Variants in ABLIM1 observed in about 807,000 individuals in gnomAD.
ABLIM1 encodes actin binding LIM protein 1.
Under a neutral mutation model 107.0 loss-of-function variants are expected in ABLIM1, and 40 were observed. The ratio of observed to expected loss-of-function variants is 0.37; its 90% CI spans 0.29 to 0.49. The LOEUF is 0.49. Among genes scored for constraint, ABLIM1 ranks in the 20% least tolerant of loss-of-function variants. The pLI, the probability that ABLIM1 is intolerant of heterozygous loss-of-function variation, is 0.97. For synonymous variants in ABLIM1, 357 were observed against 357.3 expected (o/e 1.00, Z 0.01); for missense variants, 857 against 1,008.5 (o/e 0.85, Z 2.04).
chr10:114,456,849 G>A (rs1040641886), intron 12 of ABLIM1, among the ~76,000 whole-genome samples: 1 of 151,826 alleles, frequency 6.6e-6, no homozygotes, highest in African/African-American at 2.4e-5. Context: ...CTGGATTCTG[G>A]CTGAATGCTG....
At chr10:114,711,714 G>C (rs1215234230) in intron 1 of ABLIM1, among the ~76,000 whole-genome samples, 3 of 152,166 alleles carry the variant, frequency 2.0e-5, no homozygotes, top group African/African-American at 4.8e-5. Flanking sequence ...GTCGATGCTA[G>C]AACCTGAAGT....
chr10:114,718,762 G>T (rs1189617782), intron 1 of ABLIM1, among the ~76,000 whole-genome samples: 4 of 152,094 alleles, frequency 2.6e-5, no homozygotes, highest in Non-Finnish European at 5.9e-5. Context: ...AAATAATCTG[G>T]CTTCGTATCA....
At chr10:114,716,649 A>G (rs12774401) in intron 1 of ABLIM1, among the ~76,000 whole-genome samples, 51,752 of 152,026 alleles carry the variant, frequency 0.34, 10,690 homozygotes, top group Non-Finnish European at 0.47. Context: ...AGTTAGAATC[A>G]TCTGGTCTAA....
intron 12 of ABLIM1, among the ~76,000 whole-genome samples, chr10:114,455,680 C>T (rs1429012333): frequency 2.0e-5 from 3 of 152,202 alleles, no homozygotes; most frequent in Non-Finnish European, 4.4e-5. Context: ...TAATTACCTC[C>T]ACAGCTATTT....
intron 1 of ABLIM1, among the ~76,000 whole-genome samples, chr10:114,745,995 T>G (rs1307278433): frequency 6.6e-6 from 1 of 152,146 alleles, no homozygotes; most frequent in Non-Finnish European, 1.5e-5. Flanking sequence ...ACAAATCATG[T>G]TTGTATATGT....
In ABLIM1 at chr10:114,433,861, C is replaced by T. The variant is rs752475130; in HGVS notation, c.*2399G>A. 2.0e-5 allele frequency: 3 copies of T among 152,098 alleles called. No homozygotes were observed. Among genetic ancestry groups the T allele is most frequent in the Middle Eastern group, 3.2e-3 (1 of 316 alleles). 9.4% of individuals were successfully genotyped at this position (152,098 alleles called of 1,614,324 possible). A position where few individuals can be genotyped will look rare whatever the true frequency, so the allele number is the denominator to read the frequency against. ...ATGTTTCCCAAATACCTTGATTTTTCTTATATTGACATTTCATCTGCACAT... is the reference window on the plus strand; with the variant it reads ...ATGTTTCCCAAATACCTTGATTTTTTTTATATTGACATTTCATCTGCACAT... On this transcript the variant is annotated 3_prime_UTR_variant, in exon 23 of 23. Coordinates refer to ENST00000533213, the MANE Select transcript of ABLIM1 (RefSeq NM_002313.7).
chr10:114,796,870 CCTCA>C, the ABLIM1 span, among the ~76,000 whole-genome samples: 1 of 152,204 alleles, frequency 6.6e-6, no homozygotes, highest in Non-Finnish European at 1.5e-5. Context: ...CAGTTGTTCT[CCTCA>C]CTCCAAGTCC....
intron 2 of ABLIM1, among the ~76,000 whole-genome samples, chr10:114,591,937 A>G (rs2139637445): frequency 6.6e-6 from 1 of 152,272 alleles, no homozygotes; most frequent in East Asian, 1.9e-4. Context: ...TCAGATTTGA[A>G]ACTTTTGGAT....
At chr10:114,657,691 G>A (rs2079588090) in intron 1 of ABLIM1, among the ~76,000 whole-genome samples, 1 of 151,882 alleles carries the variant, frequency 6.6e-6, no homozygotes, top group South Asian at 2.1e-4. Flanking sequence ...TCCTATTACT[G>A]ACAATTATTC....
chr10:114,486,604 T>TTCAGGACTCTGTGTGTCA (rs1356710828), intron 8 of ABLIM1, among the ~76,000 whole-genome samples: 2 of 152,228 alleles, frequency 1.3e-5, no homozygotes, highest in African/African-American at 4.8e-5. Context: ...GCTGATGGAC[T>TTCAGGACTCTGTGTGTCA]TCAGGACTCT....
chr10:114,789,772 G>GT, the ABLIM1 span, among the ~76,000 whole-genome samples: 1 of 147,916 alleles, frequency 6.8e-6, no homozygotes, highest in African/African-American at 2.5e-5. Context: ...TAATCGGGTT[G>GT]TTTTTTGCAT....
At chr10:114,721,316 C>T (rs951363802) in intron 1 of ABLIM1, among the ~76,000 whole-genome samples, 3 of 152,070 alleles carry the variant, frequency 2.0e-5, no homozygotes, top group South Asian at 2.1e-4. Flanking sequence ...TTTCACAGCT[C>T]GTGGGTGATG....
chr10:114,482,654 T>A (rs4519007), intron 8 of ABLIM1, among the ~76,000 whole-genome samples: 4,438 of 152,254 alleles, frequency 0.029, 186 homozygotes, highest in African/African-American at 0.098. Flanking sequence ...TGTTTACAAC[T>A]TTCTGTGATG....
chr10:114,693,241 G>A (rs1299275214), intron 1 of ABLIM1, among the ~76,000 whole-genome samples: 2 of 152,204 alleles, frequency 1.3e-5, no homozygotes, highest in African/African-American at 4.8e-5. Context: ...CAGCTCTTAT[G>A]CTTTATTTTC....
intron 2 of ABLIM1, among the ~76,000 whole-genome samples, chr10:114,600,689 G>A (rs929299882): frequency 6.6e-6 from 1 of 152,014 alleles, no homozygotes; most frequent in Non-Finnish European, 1.5e-5. Flanking sequence ...TAGGAATGAG[G>A]GTCCTTACCC....
chr10:114,538,399 G>T (rs1266729001), intron 6 of ABLIM1, among the ~76,000 whole-genome samples: 2 of 152,218 alleles, frequency 1.3e-5, no homozygotes, highest in African/African-American at 4.8e-5. Context: ...AGACAGGGGA[G>T]GGTGGCCTCG....
the ABLIM1 span, among the ~76,000 whole-genome samples, chr10:114,777,242 T>C: frequency 6.6e-6 from 1 of 151,970 alleles, no homozygotes; most frequent in Non-Finnish European, 1.5e-5. Context: ...TAATTTCAGA[T>C]AGTGTCCTTT....
intron 1 of ABLIM1, among the ~76,000 whole-genome samples, chr10:114,634,374 C>T (rs997941524): frequency 6.6e-6 from 1 of 151,432 alleles, no homozygotes; most frequent in African/African-American, 2.4e-5. Flanking sequence ...CCTCGTGATC[C>T]GCCCGCCTCG....
upstream of ABLIM1, among the ~76,000 whole-genome samples, chr10:114,771,852 T>G (rs2083028416): frequency 6.6e-6 from 1 of 151,968 alleles, no homozygotes; most frequent in Non-Finnish European, 1.5e-5. Flanking sequence ...AAAAAAGAGG[T>G]TCCTATTTGA....
Sources: allele counts gnomAD v4.1 joint callset (sites outside exome capture counted in the v4.1 genomes callset), GRCh38; gene constraint gnomAD v4.1.1; transcripts MANE v1.5; gene names NCBI Gene and HGNC (gene_info 2026-07-23, HGNC 2026-07-21).